Variants in TULP4 observed in about 807,000 individuals in gnomAD.
TULP4 encodes tubby-related protein 4.
Under a neutral mutation model 129.0 loss-of-function variants are expected in TULP4, and 16 were observed. The observed-to-expected ratio is 0.12, with a 90% confidence interval of 0.08 to 0.19. TULP4 has a LOEUF of 0.19. Among genes scored for constraint, TULP4 ranks in the 10% least tolerant of loss-of-function variants. The pLI is 1.00. For synonymous variants in TULP4, 998 were observed against 854.0 expected (o/e 1.17, Z -2.94); for missense variants, 1,842 against 2,059.1 (o/e 0.89, Z 2.04).
At chr6:158,398,865 T>G (rs1261190806) in intron 1 of TULP4, among the ~76,000 whole-genome samples, 1 of 152,224 alleles carries the variant, frequency 6.6e-6, no homozygotes, top group Non-Finnish European at 1.5e-5. Flanking sequence ...TAAAATGACT[T>G]TGCCACTCCC....
At chr6:158,296,266 A>G (rs1052456285) in intron 1 of TULP4, among the ~76,000 whole-genome samples, 1 of 151,368 alleles carries the variant, frequency 6.6e-6, no homozygotes, top group Non-Finnish European at 1.5e-5. Flanking sequence ...GGCTCAAGCA[A>G]TCCTCCCATA....
chr6:158,311,587 C>CT (rs1331185351), upstream of TULP4, among the ~76,000 whole-genome samples: 1 of 152,176 alleles, frequency 6.6e-6, no homozygotes, highest in African/African-American at 2.4e-5. Context: ...TTTAAAGGCC[C>CT]TTACTGCTTT....
At position 158,453,485 on chromosome 6, in the gene TULP4, C is replaced by CAAAAAAAAAAAA. The variant is rs869146924; in HGVS notation, c.859+1230_859+1241dup. 7.4e-3 allele frequency among the ~76,000 whole-genome samples: 133 copies of CAAAAAAAAAAAA among 17,982 alleles called. 15 individuals are homozygous for CAAAAAAAAAAAA. Among genetic ancestry groups the CAAAAAAAAAAAA allele is most frequent in the South Asian group, 0.012 (3 of 252 alleles). The allele number at this position is 17,982 out of a possible 152,430, so 11.8% of individuals were successfully genotyped here. The stretch of plus-strand genomic sequence containing the variant: ...GGTGACAGAGCGAGACTCTGTCTCA[C>CAAAAAAAAAAAA]AAAAAAAAAAAAAAAAAAAAAAAAG... On this transcript the variant is annotated intron_variant, in intron 5 of 13. Transcript: ENST00000367097.
chr6:158,267,621 T>C (rs760343871), intron 1 of TULP4, among the ~76,000 whole-genome samples: 6 of 152,166 alleles, frequency 3.9e-5, no homozygotes, highest in Non-Finnish European at 8.8e-5. Context: ...ATTAGGAGGG[T>C]CACTGCTTTG....
intron 9 of TULP4, among the ~76,000 whole-genome samples, chr6:158,492,024 A>G (rs1046703909): frequency 4.0e-5 from 6 of 151,352 alleles, no homozygotes; most frequent in Non-Finnish European, 8.8e-5. Flanking sequence ...ACGCCCGGCT[A>G]ATTTTTGTAT....
chr6:158,240,930 G>A (rs1405713780), intron 1 of TULP4, among the ~76,000 whole-genome samples: 1 of 148,800 alleles, frequency 6.7e-6, no homozygotes, highest in Non-Finnish European at 1.5e-5. Flanking sequence ...GCCGGGCGGA[G>A]AGGCTCCTCA....
intron 2 of TULP4, among the ~76,000 whole-genome samples, chr6:158,420,023 A>G (rs971803779): frequency 6.6e-6 from 1 of 152,232 alleles, no homozygotes; most frequent in Admixed American, 6.5e-5. Flanking sequence ...AAAATTGATC[A>G]TATTCTAGGG....
At chr6:158,309,059 T>C (rs1196488816), upstream of TULP4, among the ~76,000 whole-genome samples, 2 of 119,502 alleles carry the variant, frequency 1.7e-5, no homozygotes, top group African/African-American at 6.3e-5. Flanking sequence ...CCGGACGGGG[T>C]GGCTGCCGGG....
At chr6:158,467,309 C>T (rs1476527564) in intron 6 of TULP4, among the ~76,000 whole-genome samples, 3 of 130,732 alleles carry the variant, frequency 2.3e-5, no homozygotes, top group East Asian at 2.2e-4. Context: ...GACAGAGTTT[C>T]GCTCTTGTTG....
intron 1 of TULP4, among the ~76,000 whole-genome samples, chr6:158,285,211 A>G (rs1030416514): frequency 6.6e-6 from 1 of 152,174 alleles, no homozygotes; most frequent in Non-Finnish European, 1.5e-5. Context: ...TATGTTGTCT[A>G]GTCTTGGACT....
At chr6:158,250,835 G>A (rs535198616) in intron 1 of TULP4, among the ~76,000 whole-genome samples, 38 of 152,208 alleles carry the variant, frequency 2.5e-4, no homozygotes, top group Non-Finnish European at 5.0e-4. Context: ...ATACAAGACA[G>A]CCAAAACTTG....
At chr6:158,238,292 G>A in intron 1 of TULP4, 1 of 1,121,678 alleles carries the variant, frequency 8.9e-7, no homozygotes, top group African/African-American at 1.6e-5. Context: ...TTCACGCAGA[G>A]CTGGGCACCT....
At chr6:158,332,643 T>C (rs1779939440) in intron 1 of TULP4, among the ~76,000 whole-genome samples, 1 of 152,124 alleles carries the variant, frequency 6.6e-6, no homozygotes, top group African/African-American at 2.4e-5. Flanking sequence ...TGAGGAGCTA[T>C]AGAAAGATTG....
At chr6:158,383,468 T>C (rs1177471478) in intron 1 of TULP4, among the ~76,000 whole-genome samples, 1 of 152,250 alleles carries the variant, frequency 6.6e-6, no homozygotes, top group African/African-American at 2.4e-5. Flanking sequence ...TATCAAGGTA[T>C]GGATTTACAT....
rs146227426 is a variant in TULP4, at chr6:158,498,460, G to A, written c.1871-209G>A. Among the ~76,000 whole-genome samples the A allele has an allele frequency of 2.4e-3, 366 of 152,358 alleles. 1 individual carries two copies. Among genetic ancestry groups the A allele is most frequent in the African/African-American group, 8.3e-3 (345 of 41,574 alleles). ...GGCCAAGCTAGACCGGGAATCTGCT[G>A]TTACTGAATCCAGAACTGTGGCTAG... On this transcript the variant is annotated intron_variant, in intron 11 of 13. Coordinates refer to ENST00000367097, the MANE Select transcript of TULP4 (RefSeq NM_020245.5).
intron 1 of TULP4, among the ~76,000 whole-genome samples, chr6:158,347,924 TGTAA>T (rs1780350015): frequency 1.3e-5 from 2 of 152,278 alleles, no homozygotes; most frequent in African/African-American, 4.8e-5. Flanking sequence ...AAAAAGAATC[TGTAA>T]GTGTTTTCTA....
At chr6:158,348,825 CCAGA>C (rs1366930992) in intron 1 of TULP4, among the ~76,000 whole-genome samples, 1 of 148,364 alleles carries the variant, frequency 6.7e-6, no homozygotes, top group Non-Finnish European at 1.5e-5. Context: ...TCCTCACCTC[CCAGA>C]CAAAGGGCGG....
chr6:158,309,465 C>G (rs567272892), upstream of TULP4, among the ~76,000 whole-genome samples: 1 of 148,024 alleles, frequency 6.8e-6, no homozygotes, highest in East Asian at 2.0e-4. Context: ...CAGGCAGAGA[C>G]GCTCCTCACT....
intron 6 of TULP4, among the ~76,000 whole-genome samples, chr6:158,473,231 A>C (rs765108735): frequency 2.6e-5 from 4 of 152,256 alleles, no homozygotes; most frequent in Non-Finnish European, 5.9e-5. Flanking sequence ...ATAGACTTGC[A>C]TTCTTTCACT....
Sources: allele counts gnomAD v4.1 joint callset (sites outside exome capture counted in the v4.1 genomes callset), GRCh38; gene constraint gnomAD v4.1.1; transcripts MANE v1.5; gene names NCBI Gene and HGNC (gene_info 2026-07-23, HGNC 2026-07-21).